SUMF1: variants seen among roughly 807,000 people sequenced by gnomAD.
SUMF1 encodes the protein formylglycine-generating enzyme.
A neutral mutation model predicts 47.6 loss-of-function variants in SUMF1; 48 were observed. The ratio of observed to expected loss-of-function variants is 1.01; its 90% CI spans 0.80 to 1.28. The LOEUF is 1.28. Among genes scored for constraint, SUMF1 ranks in the 50% most tolerant of loss-of-function variants. The probability of loss-of-function intolerance (pLI) is 0.00; values close to 1 mark genes in which losing one functional copy is unlikely to be tolerated. For missense variants in SUMF1, 571 were observed against 485.4 expected (o/e 1.18, Z -1.66); for synonymous variants, 230 against 192.1 (o/e 1.20, Z -1.63).
chr3:4,410,888 A>T lies in SUMF1; in HGVS notation c.931T>A (p.Ser311Thr). 6.2e-7 allele frequency: 1 copy of T among 1,614,076 alleles called. No homozygotes were observed. Reference protein sequence around the residue: ...WTSDWWTVHHSVEETLNPKGP... With the variant: ...WTSDWWTVHHTVEETLNPKGP... Reference sequence around the variant, plus strand: ...ACTGGGTTAAGCGTTTCTTCAACAGAATGATGAACAGTCCACCAGTCTGAA... The same window carrying T: ...ACTGGGTTAAGCGTTTCTTCAACAGTATGATGAACAGTCCACCAGTCTGAA... The change falls in exon 7 of 9, where the codon TCT (serine) becomes ACT (threonine). Residue 311 changes from serine (S) to threonine (T), a missense_variant. Physicochemically the swap from Ser to Thr is moderately conservative, Grantham distance 58. Coordinates refer to ENST00000272902, the MANE Select transcript of SUMF1 (RefSeq NM_182760.4).
chr3:4,329,818 A>G (rs945874659), intron 8 of SUMF1, among the ~76,000 whole-genome samples: 4 of 151,230 alleles, frequency 2.6e-5, no homozygotes, highest in African/African-American at 9.7e-5. Flanking sequence ...AAACTTTTAT[A>G]CTCTGCTTTC....
chr3:4,391,250 T>A (rs1269249244), intron 7 of SUMF1, among the ~76,000 whole-genome samples: 2 of 152,130 alleles, frequency 1.3e-5, no homozygotes, highest in African/African-American at 4.8e-5. Flanking sequence ...TTGTTTTTGT[T>A]TTTGTTTTTG....
chr3:4,325,577 ATGTATGTATATATC>A (rs1205220775), intron 8 of SUMF1, among the ~76,000 whole-genome samples: 1 of 147,358 alleles, frequency 6.8e-6, no homozygotes, highest in East Asian at 2.0e-4. Context: ...ATATATATAT[ATGTATGTATATATC>A]TGTGTGTATA....
intron 8 of SUMF1, among the ~76,000 whole-genome samples, chr3:4,266,182 CT>C (rs1268677475): frequency 2.0e-5 from 3 of 152,156 alleles, no homozygotes; most frequent in Non-Finnish European, 4.4e-5. Flanking sequence ...CAGCTTTGTT[CT>C]TTTGGCTTAG....
chr3:4,049,740 G>A (rs1254769924), intron 9 of SUMF1, among the ~76,000 whole-genome samples: 1 of 152,126 alleles, frequency 6.6e-6, no homozygotes, highest in Admixed American at 6.6e-5. Flanking sequence ...CCAGCTCAGT[G>A]AATTCTCTGC....
rs921674521 is a variant in SUMF1 at position 4,384,315 on chromosome 3, G to A, written c.955-7926C>T. On this transcript the variant is annotated intron_variant, in intron 7 of 8. Transcript: ENST00000272902. ...CATGAAGCTGTAAAAGGTAACAGAGGAATTGGTGTACTCTATATCCAGTTT... is the reference window on the plus strand; with the variant it reads ...CATGAAGCTGTAAAAGGTAACAGAGAAATTGGTGTACTCTATATCCAGTTT... 2.0e-5 allele frequency among the ~76,000 whole-genome samples: 3 copies of A among 152,280 alleles called. No homozygotes were observed. In the South Asian group the frequency reaches 6.2e-4, roughly 32 times the overall value.
intron 8 of SUMF1, among the ~76,000 whole-genome samples, chr3:4,301,102 T>C (rs1253927635): frequency 1.3e-5 from 2 of 152,124 alleles, no homozygotes; most frequent in Non-Finnish European, 2.9e-5. Context: ...AAATGGCTTA[T>C]AAAGTAGGAG....
At chr3:4,333,455 T>A (rs141251491) in intron 8 of SUMF1, among the ~76,000 whole-genome samples, 1 of 152,204 alleles carries the variant, frequency 6.6e-6, no homozygotes, top group Non-Finnish European at 1.5e-5. Flanking sequence ...AAGGAAAGCA[T>A]GCAATTTTTA....
intron 7 of SUMF1, among the ~76,000 whole-genome samples, chr3:4,392,211 A>AT: frequency 6.6e-6 from 1 of 152,022 alleles, no homozygotes; most frequent in South Asian, 2.1e-4. Flanking sequence ...CAACTAGGGA[A>AT]TTTTTCATTT....
At chr3:4,040,223 T>A (rs1361832706) in intron 9 of SUMF1, among the ~76,000 whole-genome samples, 1 of 152,170 alleles carries the variant, frequency 6.6e-6, no homozygotes, top group Non-Finnish European at 1.5e-5. Flanking sequence ...TCAATTATAC[T>A]TCAATAAAGC....
At chr3:4,169,576 T>C (rs1483376862) in intron 8 of SUMF1, among the ~76,000 whole-genome samples, 7 of 152,184 alleles carry the variant, frequency 4.6e-5, no homozygotes, top group African/African-American at 1.7e-4. Flanking sequence ...TTCAGACTTC[T>C]AGCCTCCAGA....
intron 8 of SUMF1, among the ~76,000 whole-genome samples, chr3:4,338,042 C>T (rs1191371341): frequency 6.6e-6 from 1 of 152,160 alleles, no homozygotes; most frequent in African/African-American, 2.4e-5. Context: ...GAAATTGCTT[C>T]CAAATTTTTG....
In SUMF1 at chr3:4,406,782, C is replaced by T. The variant is rs530948525; in HGVS notation, c.954+4083G>A. ...TATCACAGATCACCCCATCCTGTCA[C>T]ATCATCAACTGAACAAGTCAGCATG... On this transcript the variant is annotated intron_variant, in intron 7 of 8. Coordinates refer to ENST00000272902, the MANE Select transcript of SUMF1 (RefSeq NM_182760.4). Among the ~76,000 whole-genome samples the T allele has an allele frequency of 4.6e-5, 7 of 152,336 alleles. No homozygotes were observed. The South Asian group carries it at 1.0e-3, about 23-fold the overall frequency.
At chr3:4,357,859 C>T (rs1026665271), downstream of SUMF1, among the ~76,000 whole-genome samples, 3 of 151,966 alleles carry the variant, frequency 2.0e-5, no homozygotes, top group Non-Finnish European at 2.9e-5. Context: ...CCACCCGCCT[C>T]GGCCTCCCAA....
chr3:4,363,072 G>T (rs925910004), intron 8 of SUMF1, among the ~76,000 whole-genome samples: 3 of 152,122 alleles, frequency 2.0e-5, no homozygotes, highest in African/African-American at 7.2e-5. Context: ...CAAGCAATCT[G>T]AGTTTCATGT....
At chr3:4,266,415 G>C (rs1697196113) in intron 8 of SUMF1, among the ~76,000 whole-genome samples, 1 of 152,096 alleles carries the variant, frequency 6.6e-6, no homozygotes, top group African/African-American at 2.4e-5. Flanking sequence ...TTGAGCAGTG[G>C]TTTGTAGTTC....
chr3:4,323,262 T>G (rs1698875396), intron 8 of SUMF1, among the ~76,000 whole-genome samples: 1 of 152,220 alleles, frequency 6.6e-6, no homozygotes, highest in African/African-American at 2.4e-5. Context: ...GAAAACATTA[T>G]GTTAAGTGAC....
chr3:4,185,824 T>C lies in SUMF1; in HGVS notation c.1015-117079A>G, dbSNP rs147987397. On this transcript the variant is annotated intron_variant and NMD_transcript_variant, in intron 8 of 12. Coordinates refer to the SUMF1 transcript ENST00000448413. The stretch of plus-strand genomic sequence containing the variant: ...GAATTACTGGAATGATAGATAATAC[T>C]GGCTTGAACAAGGATATTTTTGTTC... 4.6e-5 allele frequency among the ~76,000 whole-genome samples: 7 copies of C among 152,316 alleles called. No homozygotes were observed. The East Asian group carries it at 9.6e-4, about 21-fold the overall frequency.
chr3:4,156,558 A>T (rs1694456619), intron 8 of SUMF1, among the ~76,000 whole-genome samples: 1 of 151,518 alleles, frequency 6.6e-6, no homozygotes, highest in South Asian at 2.1e-4. Context: ...TCTAGAATTG[A>T]CCACTTCTAC....
Sources: gnomAD v4.1 joint callset for allele counts (sites outside exome capture counted in the v4.1 genomes callset) on GRCh38, gnomAD v4.1.1 for gene constraint, MANE v1.5 for transcripts, NCBI Gene and HGNC (gene_info 2026-07-23, HGNC 2026-07-21) for gene names.